The following SPACA6 variants were observed in gnomAD, a reference collection of about 807,000 sequenced individuals.
SPACA6 encodes sperm acrosome membrane-associated protein 6.
For synonymous variants in SPACA6, 6 were observed against 1.5 expected (o/e 4.05, Z -2.21); for missense variants, 8 against 2.8 (o/e 2.88, Z -1.34).
downstream of SPACA6, among the ~76,000 whole-genome samples, chr19:51,705,992 G>A (rs560999689): frequency 4.6e-5 from 7 of 152,152 alleles, no homozygotes; most frequent in Admixed American, 6.5e-5. Context: ...CACCAAGCCC[G>A]GCCAAGGACT....
downstream of SPACA6, among the ~76,000 whole-genome samples, chr19:51,707,945 C>T (rs116433020): frequency 7.3e-3 from 1,108 of 152,304 alleles, 12 homozygotes; most frequent in African/African-American, 0.022. Context: ...TGGGATGCAG[C>T]GGCCTGTCAG....
chr19:51,700,595 G>A (rs1032107378), intron 2 of SPACA6, among the ~76,000 whole-genome samples: 6 of 152,218 alleles, frequency 3.9e-5, no homozygotes, highest in African/African-American at 1.4e-4. Flanking sequence ...GGGGTCTCCA[G>A]TTCAAGTTGG....
intron 2 of SPACA6, chr19:51,711,900 A>G (rs1453485446): frequency 6.6e-6 from 1 of 152,180 alleles, no homozygotes. Flanking sequence ...GAGAAAGGAG[A>G]AGTGAGCTGC....
At chr19:51,702,138 C>G (rs1018985532) in intron 3 of SPACA6, among the ~76,000 whole-genome samples, 21 of 152,144 alleles carry the variant, frequency 1.4e-4, no homozygotes, top group African/African-American at 5.1e-4. Context: ...AGCCTCAGAC[C>G]TTGAGGGACG....
upstream of SPACA6, among the ~76,000 whole-genome samples, chr19:51,692,031 G>A (rs1294501715): frequency 6.6e-6 from 1 of 152,102 alleles, no homozygotes; most frequent in Non-Finnish European, 1.5e-5. The surrounding 1 kb of genome is among the most constrained non-coding windows in gnomAD (Gnocchi z 5.6). Flanking sequence ...GCCTGGTATG[G>A]GGTCAGCGCT....
At chr19:51,684,392 G>A, upstream of SPACA6, among the ~76,000 whole-genome samples, 1 of 152,136 alleles carries the variant, frequency 6.6e-6, no homozygotes, top group Admixed American at 6.5e-5. Context: ...TGAAGAGAAA[G>A]GCTATAGGGA....
At chr19:51,712,719 CAGA>C, downstream of SPACA6, among the ~76,000 whole-genome samples, 1 of 152,198 alleles carries the variant, frequency 6.6e-6, no homozygotes, top group Non-Finnish European at 1.5e-5. Context: ...GGGACTCCAG[CAGA>C]AGTTTTCTTT....
Position 51,704,015 on chromosome 19 carries a change from C to T in SPACA6, c.574-15C>T. 1 of 400,990 alleles carries T rather than the reference C, an allele frequency of 2.5e-6. No individual in the cohort carries two copies. Among genetic ancestry groups the T allele is most frequent in the Non-Finnish European group, 4.4e-6 (1 of 226,174 alleles). The allele number at this position is 400,990 out of a possible 1,614,324, so 24.8% of individuals were successfully genotyped here. A position where few individuals can be genotyped will look rare whatever the true frequency, so the allele number is the denominator to read the frequency against. On this transcript the variant is annotated splice_polypyrimidine_tract_variant and intron_variant, in intron 6 of 8. Transcript: ENST00000637797. Reference sequence around the variant, plus strand: ...CAAGCCGGAGTTGAGGCGTTTAAACCCGCGTGTCCCGCAGCTCCGGACTCA... The same window carrying T: ...CAAGCCGGAGTTGAGGCGTTTAAACTCGCGTGTCCCGCAGCTCCGGACTCA...
At position 51,704,254 on chromosome 19, in the gene SPACA6, G is replaced by A; in HGVS notation, c.731-16G>A. 2.5e-6 allele frequency: 1 copy of A among 400,740 alleles called. No homozygotes were observed. The highest frequency in any genetic ancestry group is 1.3e-4 in the South Asian group (1 of 7,960). The allele number at this position is 400,740 out of a possible 1,614,324, so 24.8% of individuals were successfully genotyped here. On this transcript the variant is annotated splice_polypyrimidine_tract_variant and intron_variant, in intron 7 of 8. Coordinates refer to ENST00000637797, the MANE Select transcript of SPACA6 (RefSeq NM_001316972.2). ...GGGGTGGGGCTCGTGCCTGGCTGAC[G>A]TGCGCGCCCCCGCAGTGACGGGCCC... is the stretch of plus-strand genomic sequence containing the variant.
At chr19:51,710,022 C>G (rs991974515), downstream of SPACA6, among the ~76,000 whole-genome samples, 1 of 152,164 alleles carries the variant, frequency 6.6e-6, no homozygotes, top group African/African-American at 2.4e-5. Flanking sequence ...TGAAAGGTGA[C>G]CTGTGCGACT....
Position 51,694,573 on chromosome 19 carries a change from G to A in SPACA6, c.292+18G>A. On this transcript the variant is annotated intron_variant, in intron 2 of 8. Coordinates refer to ENST00000637797, the MANE Select transcript of SPACA6 (RefSeq NM_001316972.2). ...TGCCCAGGGTGAGTGTGTGGGGATG[G>A]GGAGATGGGAGATGTGGACTTGGAG... The A allele has an allele frequency of 2.5e-6, 1 of 399,536 alleles. No individual in the cohort carries two copies. The highest frequency in any genetic ancestry group is 4.4e-6 in the Non-Finnish European group (1 of 226,442). 24.7% of individuals were successfully genotyped at this position (399,536 alleles called of 1,614,324 possible).
At chr19:51,690,611 G>A (rs882105), upstream of SPACA6, among the ~76,000 whole-genome samples, 14,899 of 152,116 alleles carry the variant, frequency 0.098, 814 homozygotes, top group Middle Eastern at 0.14. Flanking sequence ...GAGGGGGAGG[G>A]GGACCTAGGC....
At chr19:51,701,299 A>T (rs2083466743) in intron 2 of SPACA6, among the ~76,000 whole-genome samples, 2 of 152,112 alleles carry the variant, frequency 1.3e-5, no homozygotes, top group Non-Finnish European at 2.9e-5. Context: ...CAAACCATGT[A>T]AGACCTAATA....
chr19:51,712,804 G>C (rs937013755), downstream of SPACA6, among the ~76,000 whole-genome samples: 2 of 152,178 alleles, frequency 1.3e-5, no homozygotes, highest in Non-Finnish European at 2.9e-5. Flanking sequence ...GAGGTTTGAG[G>C]AGAAAAGGGA....
chr19:51,695,827 C>T (rs1193831154), intron 2 of SPACA6, among the ~76,000 whole-genome samples: 1 of 152,036 alleles, frequency 6.6e-6, no homozygotes, highest in African/African-American at 2.4e-5. Flanking sequence ...CGAGTGGGGG[C>T]TGGGGCCGTG....
At chr19:51,708,545 G>T (rs1718231291), downstream of SPACA6, among the ~76,000 whole-genome samples, 1 of 152,280 alleles carries the variant, frequency 6.6e-6, no homozygotes, top group Admixed American at 6.5e-5. Flanking sequence ...TGTTCCAGGT[G>T]GCCAGGCGAG....
At chr19:51,687,182 A>C (rs1297681329), upstream of SPACA6, 3 of 152,074 alleles carry the variant, frequency 2.0e-5, no homozygotes, top group Non-Finnish European at 4.4e-5. Flanking sequence ...GAATGGCTTG[A>C]ACCTGGAAGG....
downstream of SPACA6, among the ~76,000 whole-genome samples, chr19:51,705,819 C>T (rs907415152): frequency 5.9e-5 from 9 of 152,154 alleles, no homozygotes; most frequent in Non-Finnish European, 5.9e-5. Flanking sequence ...GCCTCAGCCT[C>T]CCAAGTAGCT....
chr19:51,695,728 A>T (rs2083425302), intron 2 of SPACA6, among the ~76,000 whole-genome samples: 1 of 152,172 alleles, frequency 6.6e-6, no homozygotes, highest in Non-Finnish European at 1.5e-5. Flanking sequence ...TGGATCTGGG[A>T]ATGGAAGCCT....
Sources: gnomAD v4.1 joint callset for allele counts (sites outside exome capture counted in the v4.1 genomes callset) on GRCh38, gnomAD v4.1.1 for gene constraint, Gnocchi (gnomAD v3.1) non-coding constraint, MANE v1.5 for transcripts, NCBI Gene and HGNC (gene_info 2026-07-23, HGNC 2026-07-21) for gene names.